Variants in RNF13 observed in about 807,000 individuals in gnomAD.
The protein encoded by RNF13 is E3 ubiquitin-protein ligase RNF13.
A neutral mutation model predicts 37.7 loss-of-function variants in RNF13; 19 were observed. The observed-to-expected ratio is 0.50, with a 90% CI of 0.35 to 0.74. RNF13 has a LOEUF of 0.74. RNF13 is among the 30% of genes least tolerant of loss of function. RNF13 has a pLI of 0.01. For synonymous variants in RNF13, 144 were observed against 157.8 expected (o/e 0.91, Z 0.65); for missense variants, 375 against 453.0 (o/e 0.83, Z 1.56).
chr3:149,921,234 A>G lies in RNF13; in HGVS notation c.700+7A>G, dbSNP rs193248526. On this transcript the variant is annotated splice_region_variant and intron_variant, in intron 8 of 9. Transcript: ENST00000392894. ...GTACATAAATTCAAGAAAGGTAAGTATTTGTTTTCTAAATAATTATCCTTA... is the reference window on the plus strand; with the variant it reads ...GTACATAAATTCAAGAAAGGTAAGTGTTTGTTTTCTAAATAATTATCCTTA... 3.1e-4 allele frequency: 406 copies of G among 1,296,098 alleles called. 2 individuals carry two copies. The Middle Eastern group carries it at 7.4e-3, about 24-fold the overall frequency. 80.3% of individuals were successfully genotyped at this position (1,296,098 alleles called of 1,614,324 possible).
chr3:149,895,252 G>C (rs1243499325), intron 4 of RNF13: 3 of 374,036 alleles, frequency 8.0e-6, no homozygotes, highest in Non-Finnish European at 1.4e-5. Context: ...ATTCATGGCA[G>C]AGGTGGGAAT....
intron 4 of RNF13, among the ~76,000 whole-genome samples, chr3:149,872,827 C>T (rs1021866403): frequency 3.9e-5 from 6 of 152,122 alleles, no homozygotes; most frequent in Admixed American, 6.5e-5. Flanking sequence ...CAAGAAAAAC[C>T]GCCCTGTCAT....
intron 3 of RNF13, among the ~76,000 whole-genome samples, chr3:149,857,664 G>A (rs1290266193): frequency 1.3e-5 from 2 of 152,120 alleles, no homozygotes; most frequent in African/African-American, 4.8e-5. Context: ...ATGTTACTTA[G>A]CAGTATAAAT....
At chr3:149,898,028 AGTT>A (rs1452510567) in intron 5 of RNF13, among the ~76,000 whole-genome samples, 1 of 152,228 alleles carries the variant, frequency 6.6e-6, no homozygotes, top group Non-Finnish European at 1.5e-5. Flanking sequence ...AAGCCAGGCT[AGTT>A]GTTATGTGAA....
intron 1 of RNF13, among the ~76,000 whole-genome samples, chr3:149,840,383 A>G (rs1204258300): frequency 1.3e-5 from 2 of 151,882 alleles, no homozygotes; most frequent in East Asian, 3.9e-4. Flanking sequence ...GGCATACTCA[A>G]AATGAATACA....
At chr3:149,939,681 C>T (rs1160461132) in intron 8 of RNF13, 3 of 780,438 alleles carry the variant, frequency 3.8e-6, no homozygotes, top group South Asian at 1.3e-5. Flanking sequence ...ATAACTGGTG[C>T]TCATTTTCAT....
At chr3:149,875,015 T>C (rs1429421220) in intron 4 of RNF13, among the ~76,000 whole-genome samples, 1 of 152,162 alleles carries the variant, frequency 6.6e-6, no homozygotes, top group African/African-American at 2.4e-5. Context: ...ATATCTCTTA[T>C]AGATAATCAG....
intron 1 of RNF13, among the ~76,000 whole-genome samples, chr3:149,824,444 A>T (rs1182859418): frequency 6.6e-6 from 1 of 152,274 alleles, no homozygotes; most frequent in Admixed American, 6.5e-5. Flanking sequence ...ATGTGCTATA[A>T]GAAGGAATTA....
chr3:149,926,649 GTT>G (rs201125912), intron 8 of RNF13, among the ~76,000 whole-genome samples: 1 of 151,894 alleles, frequency 6.6e-6, no homozygotes, highest in Non-Finnish European at 1.5e-5. Context: ...TCCAATTTAA[GTT>G]TTTTTTCCAG....
chr3:149,956,844 G>A (rs78865259), intron 8 of RNF13, among the ~76,000 whole-genome samples: 1 of 152,034 alleles, frequency 6.6e-6, no homozygotes, highest in Non-Finnish European at 1.5e-5. Context: ...ATTTAGATGG[G>A]GTACTTTGGT....
chr3:149,834,174 G>A (rs1353566835), intron 1 of RNF13, among the ~76,000 whole-genome samples: 3 of 152,192 alleles, frequency 2.0e-5, no homozygotes, highest in African/African-American at 7.2e-5. Context: ...CTGTTAAGAT[G>A]TCAGTACTAC....
At chr3:149,931,224 C>T (rs190330608) in intron 8 of RNF13, among the ~76,000 whole-genome samples, 10 of 151,938 alleles carry the variant, frequency 6.6e-5, no homozygotes, top group East Asian at 3.9e-4. Context: ...CCACTGTGGC[C>T]GGCTAATTTT....
At chr3:149,833,973 T>C (rs1421649106) in intron 1 of RNF13, among the ~76,000 whole-genome samples, 1 of 152,138 alleles carries the variant, frequency 6.6e-6, no homozygotes, top group Non-Finnish European at 1.5e-5. Flanking sequence ...TCCTATAAAG[T>C]AACAGCGAAC....
chr3:149,891,927 A>G (rs568790889), intron 4 of RNF13, among the ~76,000 whole-genome samples: 1 of 152,306 alleles, frequency 6.6e-6, no homozygotes, highest in South Asian at 2.1e-4. Flanking sequence ...TTTGACTGAC[A>G]CATGAGTTTT....
chr3:149,827,250 C>T (rs1441194421), intron 1 of RNF13, among the ~76,000 whole-genome samples: 1 of 152,044 alleles, frequency 6.6e-6, no homozygotes, highest in Non-Finnish European at 1.5e-5. Context: ...TATAACTAAT[C>T]TAGAGATGAT....
intron 4 of RNF13, among the ~76,000 whole-genome samples, chr3:149,884,747 T>C (rs936909335): frequency 3.9e-5 from 6 of 152,162 alleles, no homozygotes; most frequent in Non-Finnish European, 7.4e-5. Context: ...TCCTTTGTGT[T>C]ACATACAATT....
At chr3:149,856,149 T>C (rs1723626190) in intron 3 of RNF13, among the ~76,000 whole-genome samples, 1 of 151,908 alleles carries the variant, frequency 6.6e-6, no homozygotes. Flanking sequence ...TAGATATCTG[T>C]CTGCTTTTTG....
chr3:149,923,368 G>A (rs1718332190), intron 8 of RNF13, among the ~76,000 whole-genome samples: 1 of 152,116 alleles, frequency 6.6e-6, no homozygotes, highest in South Asian at 2.1e-4. Flanking sequence ...AAGACTATAG[G>A]CATGTGCCAC....
At chr3:149,902,368 A>G (rs1047967896) in intron 6 of RNF13, among the ~76,000 whole-genome samples, 15 of 152,078 alleles carry the variant, frequency 9.9e-5, no homozygotes, top group African/African-American at 3.6e-4. Context: ...AAATATATTC[A>G]TGCTAGTGAG....
Sources: gnomAD v4.1 joint callset for allele counts (sites outside exome capture counted in the v4.1 genomes callset) on GRCh38, gnomAD v4.1.1 for gene constraint, MANE v1.5 for transcripts, NCBI Gene and HGNC (gene_info 2026-07-23, HGNC 2026-07-21) for gene names.